CCDC92: variants seen among roughly 807,000 people sequenced by gnomAD.
The protein encoded by CCDC92 is coiled-coil domain containing 92, also known as coiled-coil domain-containing protein 92.
CCDC92 carries 12 observed loss-of-function variants against 24.9 expected under a neutral mutation model. The observed-to-expected ratio is 0.48, with a 90% confidence interval of 0.31 to 0.78. CCDC92 has a LOEUF of 0.78. Ranked by LOEUF, CCDC92 falls within the 30% of genes least tolerant of loss-of-function variation. CCDC92 has a pLI of 0.05. For missense variants in CCDC92, 399 were observed against 439.4 expected, an observed-to-expected ratio of 0.91 and a Z score of 0.82; for synonymous variants, 193 against 196.3, an observed-to-expected ratio of 0.98 and a Z score of 0.14.
chr12:123,939,475 GT>G (rs1406699899), intron 4 of CCDC92, among the ~76,000 whole-genome samples: 1 of 152,150 alleles, frequency 6.6e-6, no homozygotes, highest in Non-Finnish European at 1.5e-5. Context: ...TGAAAATACC[GT>G]AAGTCAAAAG....
Position 123,937,852 on chromosome 12 carries a change from G to A in CCDC92, c.224-22C>T, listed in dbSNP as rs1955569168. On this transcript the variant is annotated intron_variant, in intron 4 of 4. Coordinates refer to ENST00000238156, the MANE Select transcript of CCDC92 (RefSeq NM_025140.3). This position sits in a 1 kb window ranked among gnomAD's most constrained non-coding sequence, Gnocchi z 8.4. Reference sequence around the variant, plus strand: ...TCTCCTACAAGAATAAGCCGAGGAAGCAGGTGAAGAACTCATTAGACTGAG... The same window carrying A: ...TCTCCTACAAGAATAAGCCGAGGAAACAGGTGAAGAACTCATTAGACTGAG... 1.3e-6 allele frequency: 2 copies of A among 1,583,420 alleles called. No homozygotes were observed. Among genetic ancestry groups the A allele is most frequent in the Non-Finnish European group, 1.7e-6 (2 of 1,170,414 alleles).
At position 123,937,180 on chromosome 12, in the gene CCDC92, C is replaced by A. The variant is rs763901244; in HGVS notation, c.874G>T (p.Ala292Ser). ...EKPHKAHVGVAHRIHHATPPQ... is the reference protein window; with the variant it reads ...EKPHKAHVGVSHRIHHATPPQ... Reference sequence around the variant, plus strand: ...GGGGTGGCGTGGTGGATCCGATGTGCCACCCCGACGTGGGCCTTGTGCGGC... The same window carrying A: ...GGGGTGGCGTGGTGGATCCGATGTGACACCCCGACGTGGGCCTTGTGCGGC... Residue 292 changes from alanine to serine, a missense_variant, in exon 5 of 5, where the codon GCA becomes TCA. Ala to Ser is a moderately conservative substitution (Grantham distance 99). Transcript: ENST00000238156. The surrounding 1 kb of genome is among the most constrained non-coding windows in gnomAD (Gnocchi z 8.4). 9 of 1,609,752 alleles carry A rather than the reference C, an allele frequency of 5.6e-6. No homozygotes were observed. The South Asian group carries it at 8.8e-5, about 16-fold the overall frequency.
At chr12:123,942,813 C>A (rs201725026) in intron 3 of CCDC92, 28 bp from the exon 4 acceptor site, 2 of 1,559,382 alleles carry the variant, frequency 1.3e-6, no homozygotes, top group African/African-American at 1.4e-5. Flanking sequence ...CACATTAATT[C>A]TTTTACTGTA....
intron 1 of CCDC92, chr12:123,961,335 A>C (rs897929216): frequency 6.6e-6 from 1 of 152,202 alleles, no homozygotes. Flanking sequence ...GGAGTGAAAA[A>C]GGTTTTACTC....
chr12:123,959,743 T>C (rs1956231352), intron 1 of CCDC92, among the ~76,000 whole-genome samples: 1 of 152,234 alleles, frequency 6.6e-6, no homozygotes, highest in Non-Finnish European at 1.5e-5. Flanking sequence ...ATGTAGCTAT[T>C]GAACACCTGA....
chr12:123,949,562 C>G lies in CCDC92; in HGVS notation c.-59-5198G>C, dbSNP rs561713169. ...AGTTTTTCTCCCCACAGAACGCCAG[C>G]AGAAGCAATGCAAATGGGTACCTCG... On this transcript the variant is annotated intron_variant, in intron 1 of 4. Coordinates refer to ENST00000238156, the MANE Select transcript of CCDC92 (RefSeq NM_025140.3). Among the ~76,000 whole-genome samples, 3 of 152,218 alleles carry G rather than the reference C, an allele frequency of 2.0e-5. No individual in the cohort carries two copies. In the South Asian group the frequency reaches 6.2e-4, roughly 32 times the overall value.
chr12:123,971,548 G>T (rs757296204), intron 1 of CCDC92: 1 of 152,194 alleles, frequency 6.6e-6, no homozygotes, highest in African/African-American at 2.4e-5. Flanking sequence ...TGCGTAATAT[G>T]TTAAAGTATT....
At chr12:123,938,344 C>T (rs1450389210) in intron 4 of CCDC92, among the ~76,000 whole-genome samples, 2 of 152,092 alleles carry the variant, frequency 1.3e-5, no homozygotes, top group African/African-American at 2.4e-5. Context: ...ACCCCCGTCT[C>T]TCTCACACAC....
Position 123,943,628 on chromosome 12 carries a change from G to A in CCDC92, c.35-135C>T, listed in dbSNP as rs1566151572. ...GGAAACCACGGCTCCTGAAGGGCAG[G>A]GTGTGGGGGCACCAGGGCTACATTC... On this transcript the variant is annotated intron_variant, in intron 2 of 4. Transcript: ENST00000238156. 10 of 912,344 alleles carry A rather than the reference G, an allele frequency of 1.1e-5. No individual in the cohort carries two copies. The South Asian group carries it at 1.5e-4, about 14-fold the overall frequency. 56.5% of individuals were successfully genotyped at this position (912,344 alleles called of 1,614,324 possible).
chr12:123,950,310 A>G (rs1955992235), intron 1 of CCDC92, among the ~76,000 whole-genome samples: 2 of 152,222 alleles, frequency 1.3e-5, no homozygotes, highest in Non-Finnish European at 2.9e-5. Flanking sequence ...GCGTTCCTCC[A>G]GAGTCCAGAG....
chr12:123,943,635 G>A, intron 2 of CCDC92, 142 bp from the exon 3 acceptor site: 1 of 844,172 alleles, frequency 1.2e-6, no homozygotes, highest in South Asian at 1.6e-5. Flanking sequence ...CAGGGTGTGG[G>A]GGCACCAGGG....
intron 1 of CCDC92, among the ~76,000 whole-genome samples, chr12:123,952,493 A>G (rs868835794): frequency 4.6e-5 from 7 of 152,272 alleles, no homozygotes; most frequent in African/African-American, 1.7e-4. Flanking sequence ...TAATTAGGCC[A>G]TCAACTCTCA....
chr12:123,959,107 AAGGATGC>A (rs1298081209), intron 1 of CCDC92, among the ~76,000 whole-genome samples: 1 of 152,154 alleles, frequency 6.6e-6, no homozygotes, highest in Non-Finnish European at 1.5e-5. Flanking sequence ...GCCCTTCGTT[AAGGATGC>A]AGCCTTGGGC....
intron 1 of CCDC92, among the ~76,000 whole-genome samples, chr12:123,961,586 T>C (rs1430112705): frequency 6.6e-6 from 1 of 152,116 alleles, no homozygotes; most frequent in Non-Finnish European, 1.5e-5. Flanking sequence ...AGATAAGCAA[T>C]GGGGAAAAGC....
intron 1 of CCDC92, among the ~76,000 whole-genome samples, chr12:123,961,974 C>T (rs1200656232): frequency 1.3e-5 from 2 of 152,134 alleles, no homozygotes; most frequent in East Asian, 3.8e-4. Flanking sequence ...TGCTGCAGCC[C>T]TCTAAAATAT....
intron 1 of CCDC92, among the ~76,000 whole-genome samples, chr12:123,958,398 C>T (rs945842870): frequency 1.6e-4 from 25 of 152,334 alleles, no homozygotes; most frequent in African/African-American, 6.0e-4. Context: ...TGAGTGAAGA[C>T]ACTTAACTAA....
At position 123,950,252 on chromosome 12, in the gene CCDC92, C is replaced by T. The variant is rs80311960; in HGVS notation, c.-59-5888G>A. ...TAATACTTTGAAACTGCAGAGGAAACGCAAACACAGCCCACTGAAGTAGCC... is the reference window on the plus strand; with the variant it reads ...TAATACTTTGAAACTGCAGAGGAAATGCAAACACAGCCCACTGAAGTAGCC... On this transcript the variant is annotated intron_variant, in intron 1 of 4. Transcript: ENST00000238156. Among the ~76,000 whole-genome samples, 1,275 of 151,996 alleles carry T rather than the reference C, an allele frequency of 8.4e-3. 7 individuals carry two copies. The highest frequency in any genetic ancestry group is 0.028 in the African/African-American group (1,154 of 41,258).
intron 1 of CCDC92, among the ~76,000 whole-genome samples, chr12:123,960,365 A>G (rs951794971): frequency 6.6e-6 from 1 of 152,238 alleles, no homozygotes; most frequent in African/African-American, 2.4e-5. Flanking sequence ...GCAAATAAAA[A>G]GAGTAAAAAA....
rs144643101 is a variant in CCDC92 at position 123,946,447 on chromosome 12, C to T, written c.-59-2083G>A. ...TCCTGGGTCTCCACTGTCTACTTAT[C>T]CTTTAGGTCTCAGTACAAGTTTACT... is the stretch of plus-strand genomic sequence containing the variant. On this transcript the variant is annotated intron_variant, in intron 1 of 4. Transcript: ENST00000238156. 3.3e-5 allele frequency: 5 copies of T among 152,570 alleles called. No individual in the cohort carries two copies. The East Asian group carries it at 9.7e-4, about 30-fold the overall frequency. 9.5% of individuals were successfully genotyped at this position (152,570 alleles called of 1,614,324 possible).
Sources: gnomAD v4.1 joint callset for allele counts (sites outside exome capture counted in the v4.1 genomes callset) on GRCh38, gnomAD v4.1.1 for gene constraint, Gnocchi (gnomAD v3.1) non-coding constraint, MANE v1.5 for transcripts, NCBI Gene and HGNC (gene_info 2026-07-23, HGNC 2026-07-21) for gene names.